ZNF804B: variants seen among roughly 807,000 people sequenced by gnomAD.
ZNF804B encodes zinc finger protein 804B, also known as zinc finger 804B.
A neutral mutation model predicts 101.4 loss-of-function variants in ZNF804B; 80 were observed. The ratio of observed to expected loss-of-function variants is 0.79; its 90% confidence interval spans 0.66 to 0.95. The LOEUF is 0.95. Among genes scored for constraint, ZNF804B ranks in the 40% least tolerant of loss-of-function variants. ZNF804B has a pLI of 0.00. For synonymous variants in ZNF804B, 622 were observed against 558.8 expected (o/e 1.11, Z -1.59); for missense variants, 1,673 against 1,561.9 (o/e 1.07, Z -1.20).
At chr7:89,138,951 A>G (rs1020312175) in intron 1 of ZNF804B, among the ~76,000 whole-genome samples, 7 of 152,164 alleles carry the variant, frequency 4.6e-5, no homozygotes, top group African/African-American at 1.4e-4. Context: ...AGTCTCTGGT[A>G]TGTCTTTATT....
Position 89,333,832 on chromosome 7 carries a change from T to A in ZNF804B, c.850T>A (p.Ser284Thr). The change falls in exon 4 of 4, where the codon TCA becomes ACA. Residue 284 changes from serine (S) to threonine (T), a missense_variant. By Grantham distance (58) the Ser-to-Thr change is moderately conservative. Transcript: ENST00000333190. Reference protein sequence around the residue: ...HLTKEKEVNISPSHLESVLHN... With the variant: ...HLTKEKEVNITPSHLESVLHN... ...TACCAAGGAAAAAGAGGTAAATATC[T>A]CACCAAGCCATCTGGAAAGTGTTTT... is the stretch of plus-strand genomic sequence containing the variant. The A allele has an allele frequency of 6.2e-7, 1 of 1,604,668 alleles. No individual in the cohort carries two copies. The highest frequency in any genetic ancestry group is 1.1e-5 in the South Asian group (1 of 90,800).
intron 1 of ZNF804B, among the ~76,000 whole-genome samples, chr7:89,004,048 G>C (rs1367661815): frequency 9.7e-6 from 1 of 103,478 alleles, no homozygotes; most frequent in Non-Finnish European, 1.9e-5. Flanking sequence ...ATGTGATCCT[G>C]AATGAGCAAA....
intron 1 of ZNF804B, among the ~76,000 whole-genome samples, chr7:88,974,343 A>G (rs1793583074): frequency 2.0e-5 from 3 of 151,398 alleles, no homozygotes; most frequent in Admixed American, 2.0e-4. Context: ...AATATATTGT[A>G]TTATTGAAAG....
intron 1 of ZNF804B, among the ~76,000 whole-genome samples, chr7:88,975,873 G>T (rs1456436239): frequency 2.0e-5 from 3 of 151,460 alleles, no homozygotes; most frequent in Non-Finnish European, 4.4e-5. Context: ...GCAGAATTTT[G>T]CCCAATGTTT....
chr7:89,300,528 A>C (rs145080665), intron 2 of ZNF804B, among the ~76,000 whole-genome samples: 71 of 152,018 alleles, frequency 4.7e-4, no homozygotes, highest in African/African-American at 1.6e-3. Flanking sequence ...AAGATGAGAA[A>C]ACAGCCTTCT....
At chr7:88,893,158 A>G (rs1792237178) in intron 1 of ZNF804B, among the ~76,000 whole-genome samples, 2 of 152,138 alleles carry the variant, frequency 1.3e-5, no homozygotes, top group Admixed American at 1.3e-4. Context: ...AGATACCTCC[A>G]GGGTAAATGC....
intron 1 of ZNF804B, among the ~76,000 whole-genome samples, chr7:89,156,677 T>A (rs1326734176): frequency 6.6e-6 from 1 of 152,096 alleles, no homozygotes; most frequent in Non-Finnish European, 1.5e-5. Context: ...CTGGAGCAAT[T>A]TTTGTTATTT....
intron 1 of ZNF804B, among the ~76,000 whole-genome samples, chr7:88,877,045 ATATATTTTTTTTTTTT>A (rs1351531747): frequency 1.1e-4 from 4 of 36,498 alleles, no homozygotes; most frequent in Non-Finnish European, 1.8e-4. Context: ...ATATATATAT[ATATATTTTTTTTTTTT>A]TTTTTTTTTT....
intron 1 of ZNF804B, among the ~76,000 whole-genome samples, chr7:88,809,774 ATAGT>A (rs1232783009): frequency 6.6e-5 from 10 of 152,184 alleles, no homozygotes; most frequent in South Asian, 2.1e-4. Flanking sequence ...GTCAACACAC[ATAGT>A]TAGTTAAGAG....
At chr7:88,815,732 G>A (rs1412711628) in intron 1 of ZNF804B, among the ~76,000 whole-genome samples, 4 of 152,058 alleles carry the variant, frequency 2.6e-5, no homozygotes, top group African/African-American at 9.6e-5. Flanking sequence ...CACCGCACTC[G>A]GCTTTCCTCT....
rs534992052 is a variant in ZNF804B at position 89,338,508 on chromosome 7, G to T, written c.*1476G>T. Reference sequence around the variant, plus strand: ...GAAAGGACATCGTTGATTCAGGAGAGACTGGTGAGAGAGAAAGAGAAAGAA... The same window carrying T: ...GAAAGGACATCGTTGATTCAGGAGATACTGGTGAGAGAGAAAGAGAAAGAA... On this transcript the variant is annotated 3_prime_UTR_variant, in exon 4 of 4. Coordinates refer to ENST00000333190, the MANE Select transcript of ZNF804B (RefSeq NM_181646.5). Among the ~76,000 whole-genome samples, 176 of 152,070 alleles carry T rather than the reference G, an allele frequency of 1.2e-3. No homozygotes were observed. The highest frequency in any genetic ancestry group is 3.4e-3 in the Middle Eastern group (1 of 294).
chr7:89,185,871 C>A, intron 1 of ZNF804B, among the ~76,000 whole-genome samples: 1 of 151,560 alleles, frequency 6.6e-6, no homozygotes, highest in African/African-American at 2.4e-5. Context: ...AGACTGAGAC[C>A]CTGTCTCAAT....
intron 1 of ZNF804B, among the ~76,000 whole-genome samples, chr7:89,006,933 A>G (rs889215617): frequency 6.6e-6 from 1 of 152,176 alleles, no homozygotes; most frequent in Non-Finnish European, 1.5e-5. Context: ...TGACAGGGTC[A>G]ATACTGCACT....
At chr7:88,915,799 A>T (rs987007501) in intron 1 of ZNF804B, among the ~76,000 whole-genome samples, 2 of 151,720 alleles carry the variant, frequency 1.3e-5, no homozygotes, top group African/African-American at 4.8e-5. Flanking sequence ...ACTAAAAATT[A>T]AATATTTGCT....
At chr7:89,203,694 T>A (rs894112980) in intron 1 of ZNF804B, among the ~76,000 whole-genome samples, 2 of 152,118 alleles carry the variant, frequency 1.3e-5, no homozygotes, top group Non-Finnish European at 2.9e-5. Flanking sequence ...TTTTTAAACA[T>A]CTCTGGTACA....
At chr7:88,878,600 A>AT (rs1218971684) in intron 1 of ZNF804B, among the ~76,000 whole-genome samples, 3 of 152,110 alleles carry the variant, frequency 2.0e-5, no homozygotes, top group African/African-American at 7.2e-5. Context: ...TTTCTTTTGC[A>AT]TTTTTTTAAT....
At chr7:89,076,568 A>G (rs909940200) in intron 1 of ZNF804B, among the ~76,000 whole-genome samples, 2 of 152,170 alleles carry the variant, frequency 1.3e-5, no homozygotes, top group Admixed American at 6.5e-5. Flanking sequence ...AGTTATAAAG[A>G]ACCTCTCTTA....
rs146893838 is a variant in ZNF804B, at chr7:88,833,508, G to A, written c.108+73424G>A. On this transcript the variant is annotated intron_variant, in intron 1 of 3. Transcript: ENST00000333190. Reference sequence around the variant, plus strand: ...TAAGATGAAGAAGGTAGAAAGTCAGGGACTTGGCCCTCAATAAATTTTAGG... The same window carrying A: ...TAAGATGAAGAAGGTAGAAAGTCAGAGACTTGGCCCTCAATAAATTTTAGG... Among the ~76,000 whole-genome samples the A allele has an allele frequency of 5.8e-3, 880 of 151,160 alleles. 8 individuals carry two copies. Among genetic ancestry groups the A allele is most frequent in the African/African-American group, 0.02 (832 of 41,122 alleles).
chr7:89,252,023 A>G (rs1789548639), intron 2 of ZNF804B, among the ~76,000 whole-genome samples: 1 of 152,170 alleles, frequency 6.6e-6, no homozygotes. Context: ...TAAGTCCTAA[A>G]ATCAATTGCA....
Sources: gnomAD v4.1 joint callset for allele counts (sites outside exome capture counted in the v4.1 genomes callset) on GRCh38, gnomAD v4.1.1 for gene constraint, MANE v1.5 for transcripts, NCBI Gene and HGNC (gene_info 2026-07-23, HGNC 2026-07-21) for gene names.